RECK: variants seen among roughly 807,000 people sequenced by gnomAD.
The protein encoded by RECK is reversion-inducing cysteine-rich protein with Kazal motifs.
Under a neutral mutation model 115.1 loss-of-function variants are expected in RECK, and 69 were observed. The observed-to-expected ratio is 0.60, with a 90% CI of 0.49 to 0.73. The LOEUF is 0.73. Among genes scored for constraint, RECK ranks in the 30% least tolerant of loss-of-function variants. The pLI is 0.00. For synonymous variants in RECK, 414 were observed against 419.7 expected (o/e 0.99, Z 0.17); for missense variants, 1,047 against 1,203.7 (o/e 0.87, Z 1.93).
In RECK at chr9:36,058,902, G is replaced by A. The variant is rs1317806266; in HGVS notation, c.234+1G>A. On this transcript the variant is annotated splice_donor_variant, in intron 3 of 20. Transcript: ENST00000377966. LOFTEE classifies it high-confidence loss of function. ...CCCAGATTATTGCCCAGAGACAATG[G>A]TAAGTCTTATTGTAACTTAACTGTA... 2 of 1,549,234 alleles carry A rather than the reference G, an allele frequency of 1.3e-6. No individual in the cohort carries two copies. Among genetic ancestry groups the A allele is most frequent in the Non-Finnish European group, 1.8e-6 (2 of 1,141,680 alleles).
intron 1 of RECK, among the ~76,000 whole-genome samples, chr9:36,041,092 G>A (rs1820847410): frequency 6.6e-6 from 1 of 152,104 alleles, no homozygotes; most frequent in Non-Finnish European, 1.5e-5. Context: ...AAAGTGGTAA[G>A]CAAAAATAGG....
intron 6 of RECK, among the ~76,000 whole-genome samples, chr9:36,073,711 A>G (rs1455215513): frequency 6.6e-6 from 1 of 152,132 alleles, no homozygotes; most frequent in Non-Finnish European, 1.5e-5. Flanking sequence ...AGCTTTTCTC[A>G]GTCTAGCTCC....
chr9:36,099,176 T>A (rs1442356001), intron 10 of RECK, among the ~76,000 whole-genome samples: 1 of 151,944 alleles, frequency 6.6e-6, no homozygotes, highest in Admixed American at 6.6e-5. Flanking sequence ...CAGTGAGCTG[T>A]GATCATGCCA....
intron 6 of RECK, among the ~76,000 whole-genome samples, chr9:36,069,971 C>A (rs1822166668): frequency 6.6e-6 from 1 of 152,200 alleles, no homozygotes; most frequent in Non-Finnish European, 1.5e-5. Flanking sequence ...AAGTAACTAT[C>A]AATCTAGCAT....
intron 9 of RECK, among the ~76,000 whole-genome samples, chr9:36,089,058 G>C (rs959085745): frequency 2.0e-5 from 3 of 152,112 alleles, no homozygotes; most frequent in Non-Finnish European, 4.4e-5. Context: ...ACATGAAAAA[G>C]AGCGAGACTC....
intron 1 of RECK, among the ~76,000 whole-genome samples, chr9:36,037,889 G>C (rs1820729992): frequency 6.6e-6 from 1 of 151,740 alleles, no homozygotes; most frequent in Non-Finnish European, 1.5e-5. Flanking sequence ...CCTAGGATGA[G>C]TGGAAAGTGG....
In RECK at chr9:36,043,259, G is replaced by A. The variant is rs190370857; in HGVS notation, c.100+6161G>A. Among the ~76,000 whole-genome samples the A allele has an allele frequency of 3.2e-3, 464 of 143,006 alleles. 2 individuals are homozygous for A. The highest frequency in any genetic ancestry group is 0.012 in the African/African-American group (448 of 37,968). The allele number at this position is 143,006 out of a possible 152,430, so 93.8% of individuals were successfully genotyped here. A position where few individuals can be genotyped will look rare whatever the true frequency, so the allele number is the denominator to read the frequency against. ...GGGTTTCACCATGTTAACCAGGATGGTCTCAATCTCCTGACCTCCTGATCC... is the reference window on the plus strand; with the variant it reads ...GGGTTTCACCATGTTAACCAGGATGATCTCAATCTCCTGACCTCCTGATCC... On this transcript the variant is annotated intron_variant, in intron 1 of 20. Transcript: ENST00000377966.
Position 36,073,221 on chromosome 9 carries a change from GACACACACAGACACACACAGACAC to G in RECK, c.406-7374_406-7351del, listed in dbSNP as rs1002897745. On this transcript the variant is annotated intron_variant, in intron 6 of 20. Coordinates refer to ENST00000377966, the MANE Select transcript of RECK (RefSeq NM_021111.3). The stretch of plus-strand genomic sequence containing the variant: ...TTCCACCCCTAAACAGCAACACACA[GACACACACAGACACACACAGACAC>G]ACACACACACACACACACACACACA... Among the ~76,000 whole-genome samples the G allele has an allele frequency of 1.7e-3, 224 of 134,254 alleles. 3 individuals carry two copies. The East Asian group carries it at 0.029, about 18-fold the overall frequency. 88.1% of individuals were successfully genotyped at this position (134,254 alleles called of 152,430 possible). A position where few individuals can be genotyped will look rare whatever the true frequency, so the allele number is the denominator to read the frequency against.
intron 14 of RECK, 129 bp from the exon 15 acceptor site, chr9:36,109,828 A>T: frequency 1.1e-6 from 1 of 925,882 alleles, no homozygotes; most frequent in Non-Finnish European, 1.6e-6. Flanking sequence ...TGGGCGATAG[A>T]ATGAGACCCT....
chr9:36,122,730 C>T (rs1476195491), intron 20 of RECK, 94 bp from the exon 21 acceptor site: 15 of 940,046 alleles, frequency 1.6e-5, no homozygotes, highest in Non-Finnish European at 2.5e-5. Flanking sequence ...CCTCTGAGGC[C>T]ACGCTACTTT....
Position 36,112,348 on chromosome 9 carries a change from G to A in RECK, c.1932G>A (p.Gly644=), listed in dbSNP as rs749165935. 1.2e-6 allele frequency: 2 copies of A among 1,613,528 alleles called. No individual in the cohort carries two copies. The highest frequency in any genetic ancestry group is 2.2e-5 in the South Asian group (2 of 91,040). The change falls in exon 16 of 21, where the codon GGG becomes GGA. Residue 644 remains glycine, a synonymous_variant. Coordinates refer to ENST00000377966, the MANE Select transcript of RECK (RefSeq NM_021111.3). The part of the protein sequence containing the change: ...NCADQFVPVC[G]QNGRTYPSAC... Reference sequence around the variant, plus strand: ...CAGATCAGTTTGTCCCTGTATGTGGGCAGAATGGGCGCACTTACCCCAGTG... The same window carrying A: ...CAGATCAGTTTGTCCCTGTATGTGGACAGAATGGGCGCACTTACCCCAGTG...
chr9:36,100,512 C>T lies in RECK; in HGVS notation c.1267C>T (p.His423Tyr). The change falls in exon 11 of 21, where the codon CAT becomes TAT. Residue 423 changes from histidine (H) to tyrosine (Y), a missense_variant. Coordinates refer to ENST00000377966, the MANE Select transcript of RECK (RefSeq NM_021111.3). ...IACSLQIKPC[H>Y]SKSRGSIICK... ...TTGTTCACTGCAGATTAAACCTTGT[C>T]ATAGTAAATCTCGGGGAAGTATTAT... is the stretch of plus-strand genomic sequence containing the variant. The T allele has an allele frequency of 1.2e-6, 2 of 1,613,836 alleles. No homozygotes were observed. The highest frequency in any genetic ancestry group is 1.7e-6 in the Non-Finnish European group (2 of 1,179,846).
Position 36,118,784 on chromosome 9 carries a change from T to G in RECK, c.2281T>G (p.Cys761Gly). 6.2e-7 allele frequency: 1 copy of G among 1,614,150 alleles called. No homozygotes were observed. Among genetic ancestry groups the G allele is most frequent in the Non-Finnish European group, 8.5e-7 (1 of 1,180,016 alleles). ...QPFCRATEPV[C>G]GHNGETYSSV... ...CTTTTGCAGAGCAACCGAGCCCGTA[T>G]GTGGGCACAATGGTGAGACCTACAG... is the stretch of plus-strand genomic sequence containing the variant. Residue 761 changes from cysteine (C) to glycine (G), a missense_variant, in exon 18 of 21, where the codon TGT (cysteine) becomes GGT (glycine). By Grantham distance (159) the Cys-to-Gly change is radical. Transcript: ENST00000377966.
intron 8 of RECK, among the ~76,000 whole-genome samples, chr9:36,086,373 G>C (rs536767667): frequency 2.0e-5 from 3 of 152,286 alleles, no homozygotes; most frequent in African/African-American, 7.2e-5. Context: ...GAGTGTTACA[G>C]CTCTTAAAGG....
intron 15 of RECK, among the ~76,000 whole-genome samples, chr9:36,111,771 A>G (rs1212220718): frequency 6.6e-6 from 1 of 151,984 alleles, no homozygotes; most frequent in Non-Finnish European, 1.5e-5. Flanking sequence ...TAAATTCTAG[A>G]TTTTATATGC....
At chr9:36,118,709 G>GGT (rs756079893) in intron 17 of RECK, 48 bp from the exon 18 acceptor site, 1 of 1,558,890 alleles carries the variant, frequency 6.4e-7, no homozygotes, top group South Asian at 1.1e-5. Flanking sequence ...GGTTGGGAAA[G>GGT]GTACAACATA....
chr9:36,109,234 C>T (rs1423908569), intron 14 of RECK, among the ~76,000 whole-genome samples: 3 of 152,116 alleles, frequency 2.0e-5, no homozygotes, highest in African/African-American at 2.4e-5. Context: ...GAAACCGGGA[C>T]GGGGGATGAG....
At chr9:36,060,352 A>C (rs569804820) in intron 4 of RECK, among the ~76,000 whole-genome samples, 197 bp downstream of exon 4, 3 of 152,144 alleles carry the variant, frequency 2.0e-5, no homozygotes, top group East Asian at 3.9e-4. Flanking sequence ...CCTGGCCTCA[A>C]GTGATCATCC....
chr9:36,078,440 T>G (rs1822543781), intron 6 of RECK, among the ~76,000 whole-genome samples: 1 of 152,226 alleles, frequency 6.6e-6, no homozygotes, highest in South Asian at 2.1e-4. Context: ...TTGGCACCAC[T>G]GGCATTTTGG....
Sources: allele counts gnomAD v4.1 joint callset (sites outside exome capture counted in the v4.1 genomes callset), GRCh38; gene constraint gnomAD v4.1.1; transcripts MANE v1.5; gene names NCBI Gene and HGNC (gene_info 2026-07-23, HGNC 2026-07-21).